MAP7: variants seen among roughly 807,000 people sequenced by gnomAD.
MAP7 encodes the protein ensconsin.
A neutral mutation model predicts 94.8 loss-of-function variants in MAP7; 52 were observed. That is an observed-to-expected ratio of 0.55 (90% CI 0.44 to 0.69). MAP7 has a LOEUF of 0.69. Ranked by LOEUF, MAP7 falls within the 30% of genes least tolerant of loss-of-function variation. The pLI is 0.00. For synonymous variants in MAP7, 350 were observed against 357.0 expected (o/e 0.98, Z 0.22); for missense variants, 940 against 964.6 (o/e 0.97, Z 0.34).
intron 6 of MAP7, 26 bp downstream of exon 6, chr6:136,383,645 C>A: frequency 7.7e-7 from 1 of 1,302,768 alleles, no homozygotes; most frequent in Non-Finnish European, 1.1e-6. Flanking sequence ...ATAACAGACA[C>A]TTTTTTGTTT....
At chr6:136,350,945 T>C (rs1382873760) in intron 16 of MAP7, among the ~76,000 whole-genome samples, 2 of 152,074 alleles carry the variant, frequency 1.3e-5, no homozygotes, top group Non-Finnish European at 2.9e-5. Flanking sequence ...GCCCCAGGGA[T>C]CAGTGCTAGG....
chr6:136,366,489 C>CA, intron 8 of MAP7, 50 bp from the exon 9 acceptor site: 1 of 1,255,678 alleles, frequency 8.0e-7, no homozygotes, highest in East Asian at 2.3e-5. Flanking sequence ...GCGAGGCAAA[C>CA]ACACTCACAA....
At chr6:136,423,944 C>T (rs923663087) in intron 1 of MAP7, among the ~76,000 whole-genome samples, 2 of 151,814 alleles carry the variant, frequency 1.3e-5, no homozygotes, top group Non-Finnish European at 2.9e-5. Context: ...TACAGGCATG[C>T]GCCACCACGC....
intron 15 of MAP7, among the ~76,000 whole-genome samples, chr6:136,359,086 CTTAATA>C (rs75655416): frequency 0.048 from 7,252 of 152,100 alleles, 337 homozygotes; most frequent in African/African-American, 0.12. Context: ...AAAAAGGGCA[CTTAATA>C]TTAATTTAAT....
intron 3 of MAP7, among the ~76,000 whole-genome samples, chr6:136,403,548 T>C (rs1784756354): frequency 6.6e-6 from 1 of 152,208 alleles, no homozygotes; most frequent in African/African-American, 2.4e-5. Flanking sequence ...AGACCACAGC[T>C]CCTTCTCTGT....
chr6:136,365,711 G>T, intron 10 of MAP7, 24 bp downstream of exon 10: 1 of 1,606,366 alleles, frequency 6.2e-7, no homozygotes, highest in South Asian at 1.1e-5. Context: ...AGAGCACCCA[G>T]ACCACAGGTG....
chr6:136,427,542 C>T (rs992551826), intron 1 of MAP7, among the ~76,000 whole-genome samples: 2 of 152,176 alleles, frequency 1.3e-5, no homozygotes, highest in Non-Finnish European at 2.9e-5. Context: ...GGTGCAACAT[C>T]CAGCCACATT....
intron 1 of MAP7, among the ~76,000 whole-genome samples, chr6:136,438,624 C>T (rs773857568): frequency 2.6e-5 from 4 of 152,022 alleles, no homozygotes; most frequent in Non-Finnish European, 5.9e-5. Flanking sequence ...TTCAGCCACG[C>T]GTGGGCAAGC....
intron 3 of MAP7, among the ~76,000 whole-genome samples, chr6:136,391,992 C>T (rs2128671400): frequency 6.6e-6 from 1 of 152,348 alleles, no homozygotes; most frequent in East Asian, 1.9e-4. Context: ...CAACTGTCTT[C>T]CTCTAACCTG....
chr6:136,503,353 A>C (rs1820361747), intron 1 of MAP7, among the ~76,000 whole-genome samples: 1 of 146,538 alleles, frequency 6.8e-6, no homozygotes, highest in Non-Finnish European at 1.5e-5. Flanking sequence ...TGTCAACTCG[A>C]TGTGGTTCCA....
At chr6:136,493,970 C>G (rs1562460450) in intron 1 of MAP7, among the ~76,000 whole-genome samples, 2 of 152,226 alleles carry the variant, frequency 1.3e-5, no homozygotes, top group African/African-American at 4.8e-5. Flanking sequence ...ACCGACCTCT[C>G]AGGTTATAAG....
Position 136,362,584 on chromosome 6 carries a change from A to G in MAP7, c.1392T>C (p.Ser464=), listed in dbSNP as rs1248354057. The G allele has an allele frequency of 3.1e-6, 5 of 1,614,074 alleles. No homozygotes were observed. Among genetic ancestry groups the G allele is most frequent in the African/African-American group, 1.3e-5 (1 of 75,006 alleles). The part of the protein sequence containing the change: ...VSAPSSTVNA[S]ASVKTSAGTT... ...TGCCTGCAGAAGTCTTAACAGAAGC[A>G]CTGGCATTCACAGTGGATGACGGGG... Residue 464 remains serine, a synonymous_variant, in exon 11 of 18, where the codon AGT becomes AGC. Transcript: ENST00000354570.
intron 1 of MAP7, among the ~76,000 whole-genome samples, chr6:136,446,278 TAGG>T (rs1799316840): frequency 6.6e-6 from 1 of 150,868 alleles, no homozygotes; most frequent in South Asian, 2.1e-4. Flanking sequence ...GGGCGCAGCG[TAGG>T]AGAAGATCAT....
At chr6:136,538,256 TGATA>T (rs1829037825) in intron 1 of MAP7, among the ~76,000 whole-genome samples, 1 of 152,232 alleles carries the variant, frequency 6.6e-6, no homozygotes. Flanking sequence ...AATAACTTAC[TGATA>T]TTTTCTATTT....
intron 1 of MAP7, among the ~76,000 whole-genome samples, chr6:136,480,292 T>C (rs1459807049): frequency 6.6e-6 from 1 of 152,222 alleles, no homozygotes. Context: ...GATATCCATA[T>C]GCAGAAGAAT....
At chr6:136,459,364 T>C (rs187120124) in intron 1 of MAP7, among the ~76,000 whole-genome samples, 1 of 151,966 alleles carries the variant, frequency 6.6e-6, no homozygotes, top group Non-Finnish European at 1.5e-5. Context: ...CCTCAAAAAA[T>C]TAAACACAGA....
intron 1 of MAP7, among the ~76,000 whole-genome samples, chr6:136,516,797 G>GAAAATAAGCCTGCA (rs1824986296): frequency 6.6e-6 from 1 of 152,050 alleles, no homozygotes; most frequent in African/African-American, 2.4e-5. Context: ...ATAAGTATGT[G>GAAAATAAGCCTGCA]AAAATAAGCC....
At chr6:136,399,585 C>T (rs758862598) in intron 3 of MAP7, among the ~76,000 whole-genome samples, 1 of 152,010 alleles carries the variant, frequency 6.6e-6, no homozygotes, top group Non-Finnish European at 1.5e-5. Flanking sequence ...AACTCCTGGG[C>T]TCAAGCAATC....
At chr6:136,436,561 G>A (rs1365078225) in intron 1 of MAP7, among the ~76,000 whole-genome samples, 1 of 151,892 alleles carries the variant, frequency 6.6e-6, no homozygotes, top group East Asian at 1.9e-4. Context: ...TTTATTTTTT[G>A]TAGAGATAGA....
Sources: gnomAD v4.1 joint callset for allele counts (sites outside exome capture counted in the v4.1 genomes callset) on GRCh38, gnomAD v4.1.1 for gene constraint, MANE v1.5 for transcripts, NCBI Gene and HGNC (gene_info 2026-07-23, HGNC 2026-07-21) for gene names.